RHOQ: variants seen among roughly 807,000 people sequenced by gnomAD.
The protein encoded by RHOQ is rho-related GTP-binding protein RhoQ.
In RHOQ, 7 loss-of-function variants were observed where a neutral mutation model predicts 25.8. The ratio of observed to expected loss-of-function variants is 0.27; its 90% CI spans 0.15 to 0.51. RHOQ has a LOEUF of 0.51. Ranked by LOEUF, RHOQ falls within the 20% of genes least tolerant of loss-of-function variation. The pLI, the probability that RHOQ is intolerant of heterozygous loss-of-function variation, is 0.97. For synonymous variants in RHOQ, 97 were observed against 98.6 expected (o/e 0.98, Z 0.10); for missense variants, 165 against 260.6 (o/e 0.63, Z 2.53).
In RHOQ at chr2:46,542,741, C is replaced by T. The variant is rs1381720667; in HGVS notation, c.-306C>T. On this transcript the variant is annotated 5_prime_UTR_variant, in exon 1 of 5. Transcript: ENST00000238738. ...CCCCGGGGCCGGCCGGTCTTATGAT[C>T]CGGCGGATCCTCCTGGGGAGGCCGG... 6.8e-6 allele frequency: 1 copy of T among 146,414 alleles called. No individual in the cohort carries two copies. Among genetic ancestry groups the T allele is most frequent in the African/African-American group, 2.5e-5 (1 of 40,730 alleles). The allele number at this position is 146,414 out of a possible 1,614,324, so 9.1% of individuals were successfully genotyped here. A position where few individuals can be genotyped will look rare whatever the true frequency, so the allele number is the denominator to read the frequency against.
intron 2 of RHOQ, among the ~76,000 whole-genome samples, chr2:46,553,584 CTTT>C (rs895092851): frequency 1.4e-5 from 2 of 145,378 alleles, no homozygotes; most frequent in African/African-American, 2.5e-5. Context: ...CTTTTTCGAA[CTTT>C]TTTTTTTTTT....
chr2:46,578,704 C>T (rs1041738694), intron 4 of RHOQ, among the ~76,000 whole-genome samples: 4 of 150,834 alleles, frequency 2.7e-5, no homozygotes, highest in African/African-American at 7.3e-5. Flanking sequence ...TGCAGTGAGC[C>T]GAGATAGTGC....
chr2:46,543,045 G>C lies in RHOQ; in HGVS notation c.-2G>C, dbSNP rs1667881114. 6.3e-7 allele frequency: 1 copy of C among 1,590,574 alleles called. No homozygotes were observed. On this transcript the variant is annotated 5_prime_UTR_variant, in exon 1 of 5. Transcript: ENST00000238738. ...CATGCCCGGAGGCCGGCCGGCAGCA[G>C]CATGGCTCACGGGCCCGGCGCGCTG...
chr2:46,545,081 T>C (rs1431301444), intron 2 of RHOQ, among the ~76,000 whole-genome samples: 3 of 152,218 alleles, frequency 2.0e-5, no homozygotes, highest in Non-Finnish European at 4.4e-5. Flanking sequence ...AGAGAACTGC[T>C]GGCAGTTCAA....
In RHOQ at chr2:46,581,389, C is replaced by T; in HGVS notation, c.*306C>T. 2.0e-6 allele frequency: 3 copies of T among 1,524,632 alleles called. No homozygotes were observed. The South Asian group carries it at 3.7e-5, about 19-fold the overall frequency. The allele number at this position is 1,524,632 out of a possible 1,614,324, so 94.4% of individuals were successfully genotyped here. A position where few individuals can be genotyped will look rare whatever the true frequency, so the allele number is the denominator to read the frequency against. ...TGTTGTAACTACGTAAAAAACAGAG[C>T]TGTAAATGGAACTGCTTGGCTTTGA... On this transcript the variant is annotated 3_prime_UTR_variant, in exon 5 of 5. Coordinates refer to ENST00000238738, the MANE Select transcript of RHOQ (RefSeq NM_012249.4).
chr2:46,571,135 A>G (rs1668900890), intron 2 of RHOQ, among the ~76,000 whole-genome samples: 1 of 152,208 alleles, frequency 6.6e-6, no homozygotes, highest in South Asian at 2.1e-4. Context: ...GCCTCTTCCA[A>G]GAGGTCTTTT....
rs777616861 is a variant in RHOQ, at chr2:46,581,563, G to A, written c.*480G>A. 48 of 1,611,324 alleles carry A rather than the reference G, an allele frequency of 3.0e-5. No homozygotes were observed. In the Admixed American group the frequency reaches 4.8e-4, roughly 16 times the overall value. On this transcript the variant is annotated 3_prime_UTR_variant, in exon 5 of 5. Coordinates refer to ENST00000238738, the MANE Select transcript of RHOQ (RefSeq NM_012249.4). ...AAGGCCAGCCACGTAGCCAAAGGTCGCTCCAAGCGTACAGGAGATGGGCCA... is the reference window on the plus strand; with the variant it reads ...AAGGCCAGCCACGTAGCCAAAGGTCACTCCAAGCGTACAGGAGATGGGCCA...
rs186205049 is a variant in RHOQ, at chr2:46,581,571, C to G, written c.*488C>G. 5 of 1,611,216 alleles carry G rather than the reference C, an allele frequency of 3.1e-6. No individual in the cohort carries two copies. Among genetic ancestry groups the G allele is most frequent in the Non-Finnish European group, 4.2e-6 (5 of 1,179,354 alleles). ...CCACGTAGCCAAAGGTCGCTCCAAG[C>G]GTACAGGAGATGGGCCATACCTGAG... On this transcript the variant is annotated 3_prime_UTR_variant, in exon 5 of 5. Transcript: ENST00000238738.
At chr2:46,575,439 ACAC>A (rs1352350342) in intron 2 of RHOQ, among the ~76,000 whole-genome samples, 1 of 146,874 alleles carries the variant, frequency 6.8e-6, no homozygotes, top group Non-Finnish European at 1.5e-5. Context: ...ACACACACAC[ACAC>A]AATTAATAAA....
rs34520266 is a variant in RHOQ at position 46,556,487 on chromosome 2, ATT to A, written c.201+12687_201+12688del. Among the ~76,000 whole-genome samples, 337 of 146,058 alleles carry A rather than the reference ATT, an allele frequency of 2.3e-3. 3 individuals carry two copies. Among genetic ancestry groups the A allele is most frequent in the East Asian group, 0.015 (75 of 4,926 alleles). On this transcript the variant is annotated intron_variant, in intron 2 of 4. Transcript: ENST00000238738. This position sits in a 1 kb window ranked among gnomAD's most constrained non-coding sequence, Gnocchi z 4.9. ...TTCTTTTTCTTAAAAAATTTTTTTA[ATT>A]TTTTTTTTTTTGTTCCTTTTAATGC...
At chr2:46,580,078 C>A (rs946955265) in intron 4 of RHOQ, 1 of 152,414 alleles carries the variant, frequency 6.6e-6, no homozygotes, top group South Asian at 2.1e-4. Context: ...GTTCTCAACA[C>A]AGCAGCCAGA....
At position 46,584,224 on chromosome 2, in the gene RHOQ, C is replaced by G. The variant is rs1423010066; in HGVS notation, c.*3141C>G. ...CAAATAAAATACTATGCATAGTTTACTATCTACGTAAAGCACTGAACTTTT... is the reference window on the plus strand; with the variant it reads ...CAAATAAAATACTATGCATAGTTTAGTATCTACGTAAAGCACTGAACTTTT... On this transcript the variant is annotated 3_prime_UTR_variant, in exon 5 of 5. Transcript: ENST00000238738. Among the ~76,000 whole-genome samples, 1 of 152,132 alleles carries G rather than the reference C, an allele frequency of 6.6e-6. No homozygotes were observed. The highest frequency in any genetic ancestry group is 1.5e-5 in the Non-Finnish European group (1 of 67,992).
intron 2 of RHOQ, among the ~76,000 whole-genome samples, chr2:46,567,957 T>C (rs931513678): frequency 6.6e-6 from 1 of 151,972 alleles, no homozygotes. Context: ...GCCCGTAGTA[T>C]CAACTACTCG....
chr2:46,581,778 A>G lies in RHOQ; in HGVS notation c.*695A>G. 1.3e-6 allele frequency: 1 copy of G among 748,128 alleles called. No homozygotes were observed. Among genetic ancestry groups the G allele is most frequent in the South Asian group, 2.3e-5 (1 of 43,078 alleles). The allele number at this position is 748,128 out of a possible 1,614,324, so 46.3% of individuals were successfully genotyped here. A position where few individuals can be genotyped will look rare whatever the true frequency, so the allele number is the denominator to read the frequency against. On this transcript the variant is annotated 3_prime_UTR_variant, in exon 5 of 5. Transcript: ENST00000238738. ...GTACACATTTTAGTTAATGTGCATT[A>G]AACTGTAACAAGGCTTCTGGCAATT...
intron 2 of RHOQ, among the ~76,000 whole-genome samples, chr2:46,559,959 C>T (rs1016073870): frequency 5.9e-5 from 9 of 152,200 alleles, no homozygotes; most frequent in Non-Finnish European, 1.0e-4. Flanking sequence ...GTCTCCCATT[C>T]GGGAAGCCTA....
At chr2:46,562,211 C>T (rs908244507) in intron 2 of RHOQ, among the ~76,000 whole-genome samples, 1 of 152,124 alleles carries the variant, frequency 6.6e-6, no homozygotes, top group Non-Finnish European at 1.5e-5. Context: ...CCCACTGCTG[C>T]CAGCCCAACT....
chr2:46,578,511 C>T (rs575297704), intron 4 of RHOQ, among the ~76,000 whole-genome samples: 5 of 126,988 alleles, frequency 3.9e-5, no homozygotes, highest in Admixed American at 3.9e-4. Flanking sequence ...GTGGGTGGAT[C>T]GTTTGAGCCC....
intron 2 of RHOQ, among the ~76,000 whole-genome samples, chr2:46,571,760 T>C (rs192869557): frequency 8.8e-4 from 134 of 152,374 alleles, no homozygotes; most frequent in African/African-American, 2.9e-3. Context: ...CATGATAGCA[T>C]ACCAGCTAAC....
At chr2:46,543,424 C>T (rs1667906785) in intron 1 of RHOQ, 3 of 600,176 alleles carry the variant, frequency 5.0e-6, no homozygotes, top group Non-Finnish European at 2.9e-6. Flanking sequence ...GCACTTCCTA[C>T]CCCTCGGCGC....
Sources: allele counts gnomAD v4.1 joint callset (sites outside exome capture counted in the v4.1 genomes callset), GRCh38; gene constraint gnomAD v4.1.1; non-coding constraint Gnocchi (gnomAD v3.1); transcripts MANE v1.5; gene names NCBI Gene and HGNC (gene_info 2026-07-23, HGNC 2026-07-21).